The following LARGE1 variants were observed in gnomAD, a reference collection of about 807,000 sequenced individuals.
LARGE1 encodes LARGE xylosyl- and glucuronyltransferase 1.
Under a neutral mutation model 87.6 loss-of-function variants are expected in LARGE1, and 43 were observed. That is an observed-to-expected ratio of 0.49 (90% confidence interval 0.38 to 0.63). LARGE1 has a LOEUF of 0.63. Ranked by LOEUF, LARGE1 falls within the 30% of genes least tolerant of loss-of-function variation. The probability of loss-of-function intolerance (pLI) is 0.00; values close to 1 mark genes in which losing one functional copy is unlikely to be tolerated. For synonymous variants in LARGE1, 434 were observed against 394.6 expected, an observed-to-expected ratio of 1.10 and a Z score of -1.18; for missense variants, 802 against 1,000.2, an observed-to-expected ratio of 0.80 and a Z score of 2.67.
At chr22:33,818,687 A>T (rs968817776) in intron 1 of LARGE1, among the ~76,000 whole-genome samples, 1 of 152,242 alleles carries the variant, frequency 6.6e-6, no homozygotes, top group Non-Finnish European at 1.5e-5. Flanking sequence ...CATGGACCAG[A>T]AGAAATGATA....
At chr22:33,603,283 G>A (rs1369947968) in intron 5 of LARGE1, among the ~76,000 whole-genome samples, 1 of 152,208 alleles carries the variant, frequency 6.6e-6, no homozygotes, top group Non-Finnish European at 1.5e-5. Flanking sequence ...GCCAGAGTCA[G>A]CCTCATGCTT....
At chr22:33,837,365 T>C (rs2063141375) in intron 1 of LARGE1, among the ~76,000 whole-genome samples, 1 of 152,106 alleles carries the variant, frequency 6.6e-6, no homozygotes, top group African/African-American at 2.4e-5. Flanking sequence ...TATGTGTTTA[T>C]ATATACATGT....
chr22:33,756,038 G>A (rs181086179), intron 2 of LARGE1, among the ~76,000 whole-genome samples: 8 of 152,266 alleles, frequency 5.3e-5, no homozygotes, highest in East Asian at 1.9e-4. Flanking sequence ...CAGTAAGACC[G>A]CAAGAGTGAA....
intron 1 of LARGE1, among the ~76,000 whole-genome samples, chr22:33,905,272 T>C (rs1014931781): frequency 1.3e-5 from 2 of 151,962 alleles, no homozygotes; most frequent in Non-Finnish European, 2.9e-5. Flanking sequence ...TTTCACTACG[T>C]TGCCAGGGCT....
At chr22:33,296,720 C>G (rs949212591) in intron 12 of LARGE1, among the ~76,000 whole-genome samples, 2 of 152,096 alleles carry the variant, frequency 1.3e-5, no homozygotes, top group African/African-American at 4.8e-5. Flanking sequence ...AGGCATGCAC[C>G]ACCACGTCCA....
chr22:33,439,528 G>A (rs967858209), intron 6 of LARGE1, among the ~76,000 whole-genome samples: 4 of 151,874 alleles, frequency 2.6e-5, no homozygotes, highest in Non-Finnish European at 5.9e-5. Context: ...CCCTCTCTCT[G>A]CCACCCTTAA....
intron 7 of LARGE1, among the ~76,000 whole-genome samples, chr22:33,415,437 T>C (rs573458356): frequency 6.6e-6 from 1 of 152,306 alleles, no homozygotes; most frequent in East Asian, 1.9e-4. Flanking sequence ...TTACATTGCA[T>C]ACATATTCTC....
chr22:33,696,945 T>C (rs191657019), intron 2 of LARGE1, among the ~76,000 whole-genome samples: 1 of 152,230 alleles, frequency 6.6e-6, no homozygotes, highest in East Asian at 1.9e-4. Context: ...CTTTATCCTC[T>C]CTCATTTACA....
At chr22:33,591,083 TCC>T (rs1263724998) in intron 5 of LARGE1, among the ~76,000 whole-genome samples, 6 of 152,124 alleles carry the variant, frequency 3.9e-5, no homozygotes, top group African/African-American at 7.2e-5. Context: ...TGCCTGTAAT[TCC>T]AGCTATTCGG....
chr22:33,857,780 T>C (rs1217561489), intron 1 of LARGE1, among the ~76,000 whole-genome samples: 1 of 152,194 alleles, frequency 6.6e-6, no homozygotes. Context: ...AGGAATGCTT[T>C]TACACTGCTG....
intron 2 of LARGE1, among the ~76,000 whole-genome samples, chr22:33,730,835 G>A (rs2083441206): frequency 6.6e-6 from 1 of 151,770 alleles, no homozygotes; most frequent in Admixed American, 6.6e-5. Flanking sequence ...TGGGATTACA[G>A]GCATGCGCCA....
At chr22:33,208,793 C>A (rs910870429) in intron 11 of LARGE1, among the ~76,000 whole-genome samples, 1 of 152,178 alleles carries the variant, frequency 6.6e-6, no homozygotes, top group Non-Finnish European at 1.5e-5. Flanking sequence ...CCTTGTTAAA[C>A]TCCCACTTAT....
the LARGE1 span, among the ~76,000 whole-genome samples, chr22:33,137,497 C>T: frequency 6.6e-6 from 1 of 152,130 alleles, no homozygotes; most frequent in Non-Finnish European, 1.5e-5. Context: ...AAGAAAAACC[C>T]ATTTTCTGAG....
intron 1 of LARGE1, among the ~76,000 whole-genome samples, chr22:33,767,431 G>GTA (rs2084941245): frequency 1.3e-5 from 2 of 148,420 alleles, no homozygotes; most frequent in South Asian, 4.2e-4. Flanking sequence ...ATATATGCAT[G>GTA]TATATATATG....
chr22:33,493,074 A>G (rs1455967400), intron 6 of LARGE1, among the ~76,000 whole-genome samples: 1 of 152,050 alleles, frequency 6.6e-6, no homozygotes, highest in Non-Finnish European at 1.5e-5. Context: ...GCTCTGGCAC[A>G]TAACTCGAGG....
At chr22:33,241,062 T>C (rs574855225) in intron 11 of LARGE1, among the ~76,000 whole-genome samples, 1 of 152,226 alleles carries the variant, frequency 6.6e-6, no homozygotes, top group African/African-American at 2.4e-5. Context: ...GGCACTCCCA[T>C]TTCCGGCTTC....
intron 6 of LARGE1, among the ~76,000 whole-genome samples, chr22:33,542,117 G>A (rs915825165): frequency 2.2e-5 from 3 of 135,198 alleles, no homozygotes; most frequent in Admixed American, 8.9e-5. Flanking sequence ...AGCCGAGATC[G>A]CACCACTGCA....
At chr22:33,787,016 A>T (rs577010726) in intron 1 of LARGE1, among the ~76,000 whole-genome samples, 2 of 139,414 alleles carry the variant, frequency 1.4e-5, no homozygotes, top group East Asian at 4.2e-4. Flanking sequence ...GTGAGACTCC[A>T]TTTCAAAAAA....
rs541215040 is a variant in LARGE1 at position 33,819,255 on chromosome 22, G to C, written c.-82-57697C>G. On this transcript the variant is annotated intron_variant, in intron 1 of 14. Transcript: ENST00000397394. ...ATATCTCATTATGTCTTCTCCCAGT[G>C]GTGTGTGAGTACAAAGCTCTTCATT... Among the ~76,000 whole-genome samples, 279 of 141,236 alleles carry C rather than the reference G, an allele frequency of 2.0e-3. 1 individual carries two copies. Among genetic ancestry groups the C allele is most frequent in the African/African-American group, 6.8e-3 (262 of 38,300 alleles). The allele number at this position is 141,236 out of a possible 152,430, so 92.7% of individuals were successfully genotyped here. A position where few individuals can be genotyped will look rare whatever the true frequency, so the allele number is the denominator to read the frequency against.
Sources: allele counts gnomAD v4.1 joint callset (sites outside exome capture counted in the v4.1 genomes callset), GRCh38; gene constraint gnomAD v4.1.1; transcripts MANE v1.5; gene names NCBI Gene and HGNC (gene_info 2026-07-23, HGNC 2026-07-21).